The following ST3GAL3 variants were observed in gnomAD, a reference collection of about 807,000 sequenced individuals.
The protein encoded by ST3GAL3 is CMP-N-acetylneuraminate-beta-1,4-galactoside alpha-2,3-sialyltransferase.
ST3GAL3 carries 21 observed loss-of-function variants against 50.1 expected under a neutral mutation model. That is an observed-to-expected ratio of 0.42 (90% CI 0.30 to 0.60). The LOEUF (loss-of-function observed/expected upper bound fraction) is 0.60, where lower values mean the gene tolerates loss of function less well. ST3GAL3 is among the 20% of genes least tolerant of loss of function. The pLI, the probability that ST3GAL3 is intolerant of heterozygous loss-of-function variation, is 0.19. For missense variants in ST3GAL3, 353 were observed against 489.4 expected, an observed-to-expected ratio of 0.72 and a Z score of 2.63; for synonymous variants, 183 against 190.0, an observed-to-expected ratio of 0.96 and a Z score of 0.30.
At chr1:43,758,016 A>G (rs560998973) in intron 2 of ST3GAL3, among the ~76,000 whole-genome samples, 1 of 152,286 alleles carries the variant, frequency 6.6e-6, no homozygotes, top group Admixed American at 6.5e-5. Flanking sequence ...AAACAAAGAT[A>G]TGTATAGACA....
intron 5 of ST3GAL3, chr1:43,842,312 C>T (rs1376080700): frequency 6.6e-6 from 1 of 152,058 alleles, no homozygotes; most frequent in Non-Finnish European, 1.5e-5. Flanking sequence ...CTAACAATAC[C>T]CTACTCCTGG....
intron 5 of ST3GAL3, chr1:43,839,944 T>C (rs974578981): frequency 1.3e-5 from 2 of 152,106 alleles, no homozygotes; most frequent in African/African-American, 4.8e-5. Context: ...ACCAGGGGGA[T>C]GGTGCTAAGT....
At chr1:43,815,805 T>C (rs762949564) in intron 4 of ST3GAL3, among the ~76,000 whole-genome samples, 2 of 152,188 alleles carry the variant, frequency 1.3e-5, no homozygotes, top group South Asian at 4.1e-4. Context: ...CCTTCCCTAC[T>C]AGGCTTCTTG....
At chr1:43,720,685 C>T (rs1203643209) in intron 1 of ST3GAL3, 1 of 152,172 alleles carries the variant, frequency 6.6e-6, no homozygotes, top group Admixed American at 6.5e-5. Flanking sequence ...TTAGGCTTCA[C>T]CTCCCAGCAC....
chr1:43,815,683 A>T (rs1020934707), intron 4 of ST3GAL3, among the ~76,000 whole-genome samples: 2 of 152,206 alleles, frequency 1.3e-5, no homozygotes, highest in Non-Finnish European at 2.9e-5. Flanking sequence ...CCTCAGTTTC[A>T]TCTGTAAGAT....
intron 5 of ST3GAL3, chr1:43,838,698 C>T (rs948538371): frequency 1.0e-5 from 3 of 288,960 alleles, no homozygotes; most frequent in African/African-American, 6.5e-5. Context: ...GGAGGCATAT[C>T]CAAATAAAGC....
intron 5 of ST3GAL3, among the ~76,000 whole-genome samples, chr1:43,848,995 C>T (rs1214223722): frequency 6.6e-6 from 1 of 152,076 alleles, no homozygotes; most frequent in Non-Finnish European, 1.5e-5. Context: ...CCATTTAGGT[C>T]TTCTTATATC....
At chr1:43,864,666 G>A (rs2070854496) in intron 5 of ST3GAL3, among the ~76,000 whole-genome samples, 1 of 152,190 alleles carries the variant, frequency 6.6e-6, no homozygotes, top group Non-Finnish European at 1.5e-5. Context: ...GCCTGAAATG[G>A]GGAGAAAGGG....
intron 2 of ST3GAL3, among the ~76,000 whole-genome samples, chr1:43,786,190 T>C (rs1045532799): frequency 3.9e-5 from 6 of 152,146 alleles, no homozygotes; most frequent in Non-Finnish European, 7.4e-5. Flanking sequence ...ATCAATTTAG[T>C]TCCCACATAA....
chr1:43,902,896 A>G (rs935571971), intron 9 of ST3GAL3, among the ~76,000 whole-genome samples: 9 of 152,208 alleles, frequency 5.9e-5, no homozygotes, highest in Non-Finnish European at 1.3e-4. Context: ...CACTATTCCC[A>G]ACCAAAGTAG....
chr1:43,874,159 G>C, intron 5 of ST3GAL3, among the ~76,000 whole-genome samples: 1 of 152,190 alleles, frequency 6.6e-6, no homozygotes, highest in East Asian at 1.9e-4. Context: ...GCACTTTTGA[G>C]AGTGAAAATG....
chr1:43,766,354 C>T (rs1160937000), intron 2 of ST3GAL3, among the ~76,000 whole-genome samples: 3 of 151,766 alleles, frequency 2.0e-5, no homozygotes, highest in African/African-American at 7.3e-5. Context: ...CAGGAAGTAA[C>T]CAAGGACAAG....
Position 43,905,601 on chromosome 1 carries a change from TG to T in ST3GAL3, c.744+5875del, listed in dbSNP as rs1416476198. ...CTCCTCCTGCTTCTCTTCCCGCCAC[TG>T]TTTCTCCCCCTCCTCCTGCTTCTCT... On this transcript the variant is annotated intron_variant, in intron 9 of 11. Transcript: ENST00000347631. Among the ~76,000 whole-genome samples the T allele has an allele frequency of 3.1e-3, 77 of 25,114 alleles. 20 individuals carry two copies. The highest frequency in any genetic ancestry group is 6.3e-3 in the Non-Finnish European group (56 of 8,904). The allele number at this position is 25,114 out of a possible 152,430, so 16.5% of individuals were successfully genotyped here. A position where few individuals can be genotyped will look rare whatever the true frequency, so the allele number is the denominator to read the frequency against.
chr1:43,717,708 A>G (rs939055934), intron 1 of ST3GAL3, among the ~76,000 whole-genome samples: 3 of 151,512 alleles, frequency 2.0e-5, no homozygotes, highest in African/African-American at 7.3e-5. Context: ...GGGTTTTGCC[A>G]TGTTGCCCAG....
intron 2 of ST3GAL3, among the ~76,000 whole-genome samples, chr1:43,776,635 C>T (rs1428082187): frequency 1.3e-5 from 2 of 152,140 alleles, no homozygotes; most frequent in Admixed American, 6.5e-5. Flanking sequence ...ACTTAACTTA[C>T]TGAGGAACTG....
intron 3 of ST3GAL3, among the ~76,000 whole-genome samples, chr1:43,805,885 A>G (rs1394083516): frequency 6.6e-6 from 1 of 152,054 alleles, no homozygotes; most frequent in South Asian, 2.1e-4. Flanking sequence ...ACAGGCACGC[A>G]CCACCACACC....
rs529338451 is a variant in ST3GAL3, at chr1:43,764,408, C to T, written c.119-27694C>T. 7.2e-5 allele frequency among the ~76,000 whole-genome samples: 11 copies of T among 151,926 alleles called. 1 individual carries two copies. Among genetic ancestry groups the T allele is most frequent in the Non-Finnish European group, 1.5e-4 (10 of 68,006 alleles). ...TTTGGGCTATATAATGAGGTAGAGT[C>T]GCGCAACACAATATTGCATCGGGAT... On this transcript the variant is annotated intron_variant, in intron 2 of 11. Coordinates refer to ENST00000347631, the MANE Select transcript of ST3GAL3 (RefSeq NM_006279.5).
intron 5 of ST3GAL3, among the ~76,000 whole-genome samples, chr1:43,885,790 GGGATGAACAAAGTGCAGT>G (rs1445211834): frequency 1.3e-5 from 2 of 152,194 alleles, no homozygotes; most frequent in African/African-American, 2.4e-5. Context: ...CACCTCACAG[GGGATGAACAAAGTGCAGT>G]GGGAACACTG....
chr1:43,808,986 G>A (rs547511883), intron 3 of ST3GAL3, among the ~76,000 whole-genome samples: 1 of 152,310 alleles, frequency 6.6e-6, no homozygotes, highest in South Asian at 2.1e-4. Context: ...GCCTTTAAAG[G>A]ATCAAACTGT....
Sources: gnomAD v4.1 joint callset for allele counts (sites outside exome capture counted in the v4.1 genomes callset) on GRCh38, gnomAD v4.1.1 for gene constraint, MANE v1.5 for transcripts, NCBI Gene and HGNC (gene_info 2026-07-23, HGNC 2026-07-21) for gene names.